Variants in KLHDC4 observed in about 807,000 individuals in gnomAD.
KLHDC4 encodes the protein kelch domain containing 4.
A neutral mutation model predicts 62.4 loss-of-function variants in KLHDC4; 90 were observed. The ratio of observed to expected loss-of-function variants is 1.44; its 90% CI spans 1.22 to 1.72. KLHDC4 has a LOEUF of 1.72. KLHDC4 is among the 40% of genes most tolerant of loss of function. The pLI is 0.00. For missense variants in KLHDC4, 1,025 were observed against 699.7 expected (o/e 1.47, Z -5.25); for synonymous variants, 386 against 284.4 (o/e 1.36, Z -3.59).
intron 6 of KLHDC4, among the ~76,000 whole-genome samples, chr16:87,729,036 C>CA (rs2039872754): frequency 6.6e-6 from 1 of 152,118 alleles, no homozygotes; most frequent in Admixed American, 6.5e-5. Flanking sequence ...CTCAGCCTCC[C>CA]AAAGTGCTGA....
intron 5 of KLHDC4, among the ~76,000 whole-genome samples, chr16:87,736,568 G>A (rs1203710969): frequency 6.6e-6 from 1 of 152,112 alleles, no homozygotes; most frequent in Non-Finnish European, 1.5e-5. Flanking sequence ...TGGAAACTTC[G>A]CCCTGCTTTT....
In KLHDC4 at chr16:87,726,802, T is replaced by TG; in HGVS notation, c.721dup (p.Gln241ProfsTer16). The TG allele has an allele frequency of 6.3e-7, 1 of 1,592,646 alleles. No individual in the cohort carries two copies. Among genetic ancestry groups the TG allele is most frequent in the Non-Finnish European group, 8.5e-7 (1 of 1,170,158 alleles). ...GCCCCCATAGACGACGATGCCGCCC[T>TG]GGGGAGTGACGGACATCTGGCAGCC... On this transcript the variant is annotated frameshift_variant, in exon 7 of 12. Coordinates refer to ENST00000270583, the MANE Select transcript of KLHDC4 (RefSeq NM_017566.4). LOFTEE classifies it high-confidence loss of function.
intron 2 of KLHDC4, among the ~76,000 whole-genome samples, chr16:87,760,881 A>T (rs1263060142): frequency 1.3e-5 from 2 of 151,656 alleles, no homozygotes; most frequent in Non-Finnish European, 2.9e-5. Context: ...AAAAATACAA[A>T]AATTAGCTGG....
intron 5 of KLHDC4, among the ~76,000 whole-genome samples, chr16:87,731,305 C>T (rs112764678): frequency 6.6e-6 from 1 of 151,858 alleles, no homozygotes; most frequent in Non-Finnish European, 1.5e-5. Context: ...CCTCAAACCT[C>T]AAGTGATCTG....
downstream of KLHDC4, among the ~76,000 whole-genome samples, chr16:87,703,592 A>C (rs1016441875): frequency 6.6e-6 from 1 of 152,182 alleles, no homozygotes; most frequent in Non-Finnish European, 1.5e-5. Flanking sequence ...GAGCTTTGTA[A>C]ACCTGCGCTT....
chr16:87,755,793 G>A (rs1221705789), intron 3 of KLHDC4: 2 of 164,622 alleles, frequency 1.2e-5, no homozygotes, highest in Admixed American at 5.7e-5. Context: ...TCAAACTCCT[G>A]ACCTCAGGTG....
intron 5 of KLHDC4, among the ~76,000 whole-genome samples, chr16:87,737,326 G>T (rs35033296): frequency 4.6e-5 from 7 of 151,560 alleles, no homozygotes; most frequent in African/African-American, 1.7e-4. Context: ...GGTGGCTCAC[G>T]CCTGTAATCC....
intron 7 of KLHDC4, among the ~76,000 whole-genome samples, chr16:87,725,365 C>T (rs928210991): frequency 1.3e-5 from 2 of 152,144 alleles, no homozygotes; most frequent in African/African-American, 4.8e-5. Flanking sequence ...CGGGGTTTCA[C>T]AGTGTTAGCC....
intron 5 of KLHDC4, among the ~76,000 whole-genome samples, chr16:87,731,942 G>A (rs1048667439): frequency 1.3e-5 from 2 of 152,144 alleles, no homozygotes; most frequent in Non-Finnish European, 1.5e-5. Flanking sequence ...AGGTTCTGCT[G>A]GACTCCATGC....
At chr16:87,702,408 C>T (rs1404055366) in exon 1 of KLHDC4, 4 of 374,738 alleles carry the variant, frequency 1.1e-5, no homozygotes, top group Non-Finnish European at 1.6e-5. Flanking sequence ...CGTCCTGCAC[C>T]CCCAGCCTGG....
chr16:87,748,990 T>A (rs1023876814), intron 4 of KLHDC4, among the ~76,000 whole-genome samples, 181 bp from the exon 5 acceptor site: 1 of 148,598 alleles, frequency 6.7e-6, no homozygotes, highest in Non-Finnish European at 1.5e-5. Flanking sequence ...AACACCCTCG[T>A]AGGAAAGCAC....
At position 87,730,554 on chromosome 16, in the gene KLHDC4, T is replaced by A. The variant is rs1348248650; in HGVS notation, c.597A>T (p.Thr199=). Reference sequence around the variant, plus strand: ...ATTTTTCCGTTCTTGGTACCAACCGTGTACTTTCATGGAAGCCACCAAACA... The same window carrying A: ...ATTTTTCCGTTCTTGGTACCAACCGAGTACTTTCATGGAAGCCACCAAACA... ...LILFGGFHES[T]RDYIYYNDVY... The change falls in exon 6 of 12, where the codon ACA becomes ACT. Residue 199 remains threonine, a splice_region_variant and synonymous_variant. Coordinates refer to ENST00000270583, the MANE Select transcript of KLHDC4 (RefSeq NM_017566.4). 1.9e-6 allele frequency: 3 copies of A among 1,610,338 alleles called. No homozygotes were observed. The highest frequency in any genetic ancestry group is 3.4e-5 in the Admixed American group (2 of 58,922).
chr16:87,742,125 G>T (rs1453558653), intron 5 of KLHDC4, among the ~76,000 whole-genome samples: 1 of 152,132 alleles, frequency 6.6e-6, no homozygotes, highest in African/African-American at 2.4e-5. Flanking sequence ...AAAACAGCCA[G>T]AGTAGTCCTC....
intron 7 of KLHDC4, among the ~76,000 whole-genome samples, chr16:87,720,535 CGGAGACGCCGCGCCCCTGG>C (rs767225009): frequency 4.4e-4 from 51 of 116,766 alleles, no homozygotes; most frequent in Non-Finnish European, 5.9e-4. Context: ...TGAGCCCCTG[CGGAGACGCCGCGCCCCTGG>C]GGAGACGCCG....
chr16:87,735,160 C>T (rs1003021802), intron 5 of KLHDC4, among the ~76,000 whole-genome samples: 2 of 151,900 alleles, frequency 1.3e-5, no homozygotes, highest in Non-Finnish European at 2.9e-5. Flanking sequence ...ATTAGCCAGG[C>T]ATGGTGGCGG....
At position 87,708,485 on chromosome 16, in the gene KLHDC4, C is replaced by T. The variant is rs201995794; in HGVS notation, c.1448-19G>A. On this transcript the variant is annotated intron_variant, in intron 10 of 11. Transcript: ENST00000270583. Reference sequence around the variant, plus strand: ...TGAGTTTCTTCAAAAGCAGAATGAACGCACATACACGTCAGCGCAGCTGAG... The same window carrying T: ...TGAGTTTCTTCAAAAGCAGAATGAATGCACATACACGTCAGCGCAGCTGAG... The T allele has an allele frequency of 6.3e-6, 10 of 1,580,188 alleles. No individual in the cohort carries two copies. In the East Asian group the frequency reaches 9.0e-5, roughly 14 times the overall value.
At chr16:87,740,624 T>A (rs904106256) in intron 5 of KLHDC4, 4 of 152,138 alleles carry the variant, frequency 2.6e-5, no homozygotes, top group African/African-American at 9.7e-5. Flanking sequence ...GATGCTGGTG[T>A]TTTTAGTGTT....
downstream of KLHDC4, among the ~76,000 whole-genome samples, chr16:87,706,188 G>C (rs1352771337): frequency 1.1e-4 from 13 of 118,138 alleles, no homozygotes; most frequent in East Asian, 2.9e-4. Context: ...CCTCGGGGGG[G>C]GGTCAGCGTA....
At chr16:87,704,926 G>A (rs1052697916), downstream of KLHDC4, among the ~76,000 whole-genome samples, 3 of 152,308 alleles carry the variant, frequency 2.0e-5, no homozygotes, top group East Asian at 3.9e-4. Context: ...GCGCATGGGC[G>A]GCAGGGGGAG....
Sources: allele counts gnomAD v4.1 joint callset (sites outside exome capture counted in the v4.1 genomes callset), GRCh38; gene constraint gnomAD v4.1.1; transcripts MANE v1.5; gene names NCBI Gene and HGNC (gene_info 2026-07-23, HGNC 2026-07-21).